The following ASIC2 variants were observed in gnomAD, a reference collection of about 807,000 sequenced individuals.
ASIC2 encodes the protein acid sensing ion channel subunit 2, also known as acid-sensing ion channel 2.
A neutral mutation model predicts 57.3 loss-of-function variants in ASIC2; 25 were observed. The ratio of observed to expected loss-of-function variants is 0.44; its 90% CI spans 0.32 to 0.61. The LOEUF is 0.61. ASIC2 is among the 20% of genes least tolerant of loss of function. ASIC2 has a pLI of 0.06. For synonymous variants in ASIC2, 319 were observed against 307.5 expected, an observed-to-expected ratio of 1.04 and a Z score of -0.39; for missense variants, 641 against 738.1, an observed-to-expected ratio of 0.87 and a Z score of 1.52.
intron 1 of ASIC2, among the ~76,000 whole-genome samples, chr17:33,906,195 G>T (rs1915345377): frequency 6.6e-6 from 1 of 152,014 alleles, no homozygotes; most frequent in African/African-American, 2.4e-5. Flanking sequence ...GTTGGCTTTT[G>T]TAACCAGGAG....
At chr17:33,874,158 G>A (rs995026416) in intron 1 of ASIC2, among the ~76,000 whole-genome samples, 6 of 152,092 alleles carry the variant, frequency 3.9e-5, no homozygotes, top group Non-Finnish European at 7.3e-5. Flanking sequence ...GCGATGCCCT[G>A]GTGAAAAGAG....
At chr17:33,817,821 G>C (rs1912632161) in intron 1 of ASIC2, among the ~76,000 whole-genome samples, 1 of 152,140 alleles carries the variant, frequency 6.6e-6, no homozygotes, top group African/African-American at 2.4e-5. Flanking sequence ...GCATCAACGG[G>C]GGCAGCTTGA....
intron 1 of ASIC2, among the ~76,000 whole-genome samples, chr17:33,661,171 G>A (rs1279804913): frequency 6.6e-6 from 1 of 152,092 alleles, no homozygotes; most frequent in Non-Finnish European, 1.5e-5. Flanking sequence ...CTCTTGGCTG[G>A]TGCTGAGCCA....
intron 1 of ASIC2, among the ~76,000 whole-genome samples, chr17:33,997,913 C>T (rs1345498115): frequency 6.6e-6 from 1 of 152,052 alleles, no homozygotes; most frequent in African/African-American, 2.4e-5. Context: ...GTGTTTTTCT[C>T]TCTTCAATTT....
At chr17:33,546,140 T>C (rs1240824439) in intron 1 of ASIC2, among the ~76,000 whole-genome samples, 1 of 150,122 alleles carries the variant, frequency 6.7e-6, no homozygotes, top group Non-Finnish European at 1.5e-5. Flanking sequence ...TATATACACA[T>C]ATGTATATGT....
At position 33,013,874 on chromosome 17, in the gene ASIC2, T is replaced by C; in HGVS notation, c.*91A>G. The C allele has an allele frequency of 8.5e-7, 1 of 1,171,770 alleles. No individual in the cohort carries two copies. Among genetic ancestry groups the C allele is most frequent in the East Asian group, 2.5e-5 (1 of 39,244 alleles). The allele number at this position is 1,171,770 out of a possible 1,614,324, so 72.6% of individuals were successfully genotyped here. Reference sequence around the variant, plus strand: ...GGGGGCTCTTGCTTCTTTCCAGCACTGGGGCCATCCCACCTGAGCTTGCTG... The same window carrying C: ...GGGGGCTCTTGCTTCTTTCCAGCACCGGGGCCATCCCACCTGAGCTTGCTG... On this transcript the variant is annotated 3_prime_UTR_variant, in exon 10 of 10. Transcript: ENST00000225823.
chr17:33,684,194 C>G (rs1908103636), intron 1 of ASIC2, among the ~76,000 whole-genome samples: 1 of 152,144 alleles, frequency 6.6e-6, no homozygotes, highest in African/African-American at 2.4e-5. Flanking sequence ...AATTATACAC[C>G]CTGGCATGTC....
intron 1 of ASIC2, among the ~76,000 whole-genome samples, chr17:33,165,036 G>A (rs902475088): frequency 2.6e-5 from 4 of 152,282 alleles, no homozygotes; most frequent in Admixed American, 2.0e-4. Flanking sequence ...TGTATTAAAA[G>A]CTGTTTGAGG....
At chr17:33,105,157 T>C (rs1423449684) in intron 2 of ASIC2, among the ~76,000 whole-genome samples, 1 of 152,174 alleles carries the variant, frequency 6.6e-6, no homozygotes, top group East Asian at 1.9e-4. Context: ...ATGAAGGTGA[T>C]ATAGTTTGGC....
intron 1 of ASIC2, among the ~76,000 whole-genome samples, chr17:33,627,951 A>G (rs912818835): frequency 3.9e-5 from 6 of 152,030 alleles, no homozygotes; most frequent in Non-Finnish European, 8.8e-5. Context: ...AATGGCGTGA[A>G]CCTGGGAGGC....
At chr17:33,350,217 G>C (rs71377480) in intron 1 of ASIC2, among the ~76,000 whole-genome samples, 2 of 152,174 alleles carry the variant, frequency 1.3e-5, no homozygotes, top group Non-Finnish European at 2.9e-5. Context: ...TGTCATCTTA[G>C]GTCGGTGTGG....
At chr17:33,333,810 G>A (rs1203122354) in intron 1 of ASIC2, among the ~76,000 whole-genome samples, 3 of 152,168 alleles carry the variant, frequency 2.0e-5, no homozygotes, top group Non-Finnish European at 2.9e-5. Context: ...GAGGATTATG[G>A]GTATAAAGGC....
At chr17:33,151,310 G>T (rs1018933470) in intron 1 of ASIC2, among the ~76,000 whole-genome samples, 1 of 150,870 alleles carries the variant, frequency 6.6e-6, no homozygotes, top group Non-Finnish European at 1.5e-5. Flanking sequence ...GGAGGCTGAG[G>T]TTACAGTGAG....
intron 1 of ASIC2, among the ~76,000 whole-genome samples, chr17:33,705,217 T>TAATATAG (rs1412303085): frequency 1.3e-5 from 2 of 152,236 alleles, no homozygotes; most frequent in Non-Finnish European, 2.9e-5. Flanking sequence ...TGGAGTTAGA[T>TAATATAG]AATATAGAAT....
chr17:33,830,154 AT>A (rs965359285), intron 1 of ASIC2, among the ~76,000 whole-genome samples: 9 of 151,724 alleles, frequency 5.9e-5, no homozygotes, highest in East Asian at 1.9e-4. Flanking sequence ...GCTTCCTCAG[AT>A]TTTTTTTTCT....
intron 1 of ASIC2, among the ~76,000 whole-genome samples, chr17:33,712,436 GC>G (rs1444194643): frequency 6.6e-6 from 1 of 152,010 alleles, no homozygotes; most frequent in African/African-American, 2.4e-5. Context: ...ATAACAATTT[GC>G]CCCCCAAAAC....
intron 1 of ASIC2, among the ~76,000 whole-genome samples, chr17:34,128,919 G>A (rs73282438): frequency 0.018 from 2,758 of 152,120 alleles, 89 homozygotes; most frequent in African/African-American, 0.063. Context: ...ATCCACCTGT[G>A]GTTGGGGTTT....
chr17:33,532,501 A>G (rs1915083046), intron 1 of ASIC2, among the ~76,000 whole-genome samples: 1 of 152,238 alleles, frequency 6.6e-6, no homozygotes, highest in Non-Finnish European at 1.5e-5. Context: ...GGTGAAATCC[A>G]GTCCCAAATC....
chr17:33,509,036 TTA>T (rs549621945), intron 1 of ASIC2, among the ~76,000 whole-genome samples: 331 of 152,246 alleles, frequency 2.2e-3, no homozygotes, highest in African/African-American at 7.4e-3. Context: ...CTGGTTTTTG[TTA>T]AGTTATAATA....
Sources: gnomAD v4.1 joint callset for allele counts (sites outside exome capture counted in the v4.1 genomes callset) on GRCh38, gnomAD v4.1.1 for gene constraint, MANE v1.5 for transcripts, NCBI Gene and HGNC (gene_info 2026-07-23, HGNC 2026-07-21) for gene names.